CERS3: variants seen among roughly 807,000 people sequenced by gnomAD.
CERS3 encodes ceramide synthase 3.
Under a neutral mutation model 50.3 loss-of-function variants are expected in CERS3, and 33 were observed. The observed-to-expected ratio is 0.66, with a 90% confidence interval of 0.50 to 0.88. CERS3 has a LOEUF of 0.88. Among genes scored for constraint, CERS3 ranks in the 40% least tolerant of loss-of-function variants. The pLI is 0.00. For missense variants in CERS3, 470 were observed against 460.3 expected (o/e 1.02, Z -0.19); for synonymous variants, 176 against 155.2 (o/e 1.13, Z -0.99).
intron 3 of CERS3, among the ~76,000 whole-genome samples, chr15:100,497,852 TAC>T (rs57343426): frequency 0.028 from 3,071 of 108,602 alleles, 87 homozygotes; most frequent in African/African-American, 0.031. Flanking sequence ...ACCTATCTCT[TAC>T]ACACACACAC....
chr15:100,462,711 T>A (rs527806506), intron 10 of CERS3, among the ~76,000 whole-genome samples: 1 of 152,156 alleles, frequency 6.6e-6, no homozygotes, highest in Admixed American at 6.5e-5. Context: ...ATCTGAGAAA[T>A]AAATGTGGTG....
At chr15:100,482,505 C>A (rs1472224748) in intron 5 of CERS3, among the ~76,000 whole-genome samples, 1 of 152,126 alleles carries the variant, frequency 6.6e-6, no homozygotes, top group Non-Finnish European at 1.5e-5. Flanking sequence ...AGGAGTTCTC[C>A]TACCTGGATA....
In CERS3 at chr15:100,525,340, T is replaced by A. The variant is rs59772277; in HGVS notation, c.-92+3473A>T. Reference sequence around the variant, plus strand: ...CCAGTGGGCAGGTAGGCCAAAAAAATAAATAACCAGAACCCTTTAATTTTA... The same window carrying A: ...CCAGTGGGCAGGTAGGCCAAAAAAAAAAATAACCAGAACCCTTTAATTTTA... On this transcript the variant is annotated intron_variant, in intron 1 of 11. Transcript: ENST00000679737. Among the ~76,000 whole-genome samples, 1,293 of 152,242 alleles carry A rather than the reference T, an allele frequency of 8.5e-3. 20 individuals are homozygous for A. The highest frequency in any genetic ancestry group is 0.029 in the African/African-American group (1,216 of 41,544).
At chr15:100,425,510 C>T (rs1276118823) in intron 11 of CERS3, among the ~76,000 whole-genome samples, 1 of 152,140 alleles carries the variant, frequency 6.6e-6, no homozygotes, top group Non-Finnish European at 1.5e-5. Flanking sequence ...TTCCATGGGG[C>T]CTGTAGCCCA....
At chr15:100,417,201 G>C (rs2031988008) in intron 11 of CERS3, among the ~76,000 whole-genome samples, 1 of 151,654 alleles carries the variant, frequency 6.6e-6, no homozygotes, top group African/African-American at 2.4e-5. Context: ...GTGCCAGACA[G>C]TGGGCGCAGG....
intron 3 of CERS3, among the ~76,000 whole-genome samples, chr15:100,495,613 T>A (rs1164621228): frequency 1.3e-5 from 2 of 152,208 alleles, no homozygotes; most frequent in Non-Finnish European, 2.9e-5. Context: ...ATCTTTTGCC[T>A]ATTTTTAAAA....
intron 4 of CERS3, among the ~76,000 whole-genome samples, chr15:100,490,305 T>C (rs1260296772): frequency 1.3e-5 from 2 of 152,182 alleles, no homozygotes; most frequent in Non-Finnish European, 2.9e-5. Flanking sequence ...TCTTAGAAAT[T>C]GTCTCTGGAG....
At chr15:100,513,873 G>A (rs551739593) in intron 2 of CERS3, among the ~76,000 whole-genome samples, 7 of 152,124 alleles carry the variant, frequency 4.6e-5, no homozygotes, top group Non-Finnish European at 8.8e-5. Flanking sequence ...TGCCTAGAAT[G>A]CTCTGCTCAC....
At chr15:100,424,559 A>G (rs1316329228) in intron 11 of CERS3, among the ~76,000 whole-genome samples, 1 of 152,230 alleles carries the variant, frequency 6.6e-6, no homozygotes, top group Non-Finnish European at 1.5e-5. Context: ...TTGCTTTAGC[A>G]AAGAGACTGA....
intron 11 of CERS3, among the ~76,000 whole-genome samples, chr15:100,444,894 T>C (rs1258986139): frequency 2.6e-5 from 4 of 152,202 alleles, no homozygotes; most frequent in Non-Finnish European, 4.4e-5. Context: ...CCCACCTCTA[T>C]ATAGTCCAAT....
At chr15:100,502,504 G>A (rs1503476) in intron 2 of CERS3, among the ~76,000 whole-genome samples, 120 of 152,150 alleles carry the variant, frequency 7.9e-4, no homozygotes, top group African/African-American at 2.8e-3. Context: ...AATAACAATA[G>A]GCTTTACAAC....
At chr15:100,524,656 T>C (rs2036734552) in intron 1 of CERS3, among the ~76,000 whole-genome samples, 1 of 152,256 alleles carries the variant, frequency 6.6e-6, no homozygotes, top group East Asian at 1.9e-4. Context: ...TTGTATGTTT[T>C]TAAAGTTTTT....
intron 11 of CERS3, among the ~76,000 whole-genome samples, chr15:100,449,640 T>C (rs1287731849): frequency 1.3e-5 from 2 of 152,146 alleles, no homozygotes; most frequent in African/African-American, 4.8e-5. Flanking sequence ...AGGTTGTTTA[T>C]AGCCAAAAAA....
At chr15:100,528,036 A>G (rs1389933814) in intron 1 of CERS3, among the ~76,000 whole-genome samples, 1 of 152,246 alleles carries the variant, frequency 6.6e-6, no homozygotes, top group Non-Finnish European at 1.5e-5. Context: ...ATTGTGGGTT[A>G]ATGAATAAAT....
In CERS3 at chr15:100,401,454, G is replaced by A. The variant is rs140562061; in HGVS notation, c.*1259C>T. ...CCCTTCCGGAGGGTGAGGACAAGCT[G>A]GCTACTGATCTGCCCGTCCCTATCC... On this transcript the variant is annotated 3_prime_UTR_variant, in exon 12 of 12. Transcript: ENST00000679737. 6.1e-3 allele frequency: 929 copies of A among 152,400 alleles called. 21 individuals are homozygous for A. Among genetic ancestry groups the A allele is most frequent in the Admixed American group, 0.047 (724 of 15,298 alleles). The allele number at this position is 152,400 out of a possible 1,614,324, so 9.4% of individuals were successfully genotyped here.
chr15:100,429,902 G>A (rs919126068), intron 11 of CERS3, among the ~76,000 whole-genome samples: 3 of 151,752 alleles, frequency 2.0e-5, no homozygotes, highest in South Asian at 4.2e-4. Context: ...AGTCAAATCC[G>A]GATGTCTACA....
At chr15:100,405,855 C>A (rs1489770629) in intron 11 of CERS3, among the ~76,000 whole-genome samples, 1 of 152,178 alleles carries the variant, frequency 6.6e-6, no homozygotes, top group African/African-American at 2.4e-5. Context: ...ATAAGGATTT[C>A]TTTTTAAAAA....
At chr15:100,413,534 ATACTATACTATACTATACTATAC>A (rs1164775951) in intron 11 of CERS3, among the ~76,000 whole-genome samples, 2 of 37,070 alleles carry the variant, frequency 5.4e-5, no homozygotes, top group Non-Finnish European at 1.7e-4. Flanking sequence ...ATACTATACT[ATACTATACTATACTATACTATAC>A]TATATGCTCA....
At chr15:100,475,578 G>A (rs1366486802) in intron 8 of CERS3, among the ~76,000 whole-genome samples, 1 of 152,180 alleles carries the variant, frequency 6.6e-6, no homozygotes, top group South Asian at 2.1e-4. Context: ...GACTTCAGAA[G>A]TGGCATTTAG....
Sources: allele counts gnomAD v4.1 joint callset (sites outside exome capture counted in the v4.1 genomes callset), GRCh38; gene constraint gnomAD v4.1.1; transcripts MANE v1.5; gene names NCBI Gene and HGNC (gene_info 2026-07-23, HGNC 2026-07-21).